Variants in SGSM2 observed in about 807,000 individuals in gnomAD.
SGSM2 encodes RUN and TBC1 domain containing 1.
SGSM2 carries 89 observed loss-of-function variants against 126.6 expected under a neutral mutation model. The observed-to-expected ratio is 0.70, with a 90% CI of 0.59 to 0.84. The LOEUF (loss-of-function observed/expected upper bound fraction) is 0.84. Among genes scored for constraint, SGSM2 ranks in the 40% least tolerant of loss-of-function variants. The pLI is 0.00. For missense variants in SGSM2, 1,404 were observed against 1,416.6 expected (o/e 0.99, Z 0.14); for synonymous variants, 614 against 574.3 (o/e 1.07, Z -0.99).
intron 2 of SGSM2, among the ~76,000 whole-genome samples, chr17:2,353,594 C>G (rs983747650): frequency 6.6e-6 from 1 of 152,040 alleles, no homozygotes; most frequent in Non-Finnish European, 1.5e-5. Flanking sequence ...GAAACCCTGT[C>G]TCTACTAAAA....
chr17:2,372,724 C>T lies in SGSM2; in HGVS notation c.1789-229C>T. ...CCTGTGACCCTGGACAAAGCTTTGC[C>T]TCTCTCCGGGCGCCATTTCCTGCCC... is the stretch of plus-strand genomic sequence containing the variant. On this transcript the variant is annotated intron_variant, in intron 15 of 23. Coordinates refer to ENST00000268989, the MANE Select transcript of SGSM2 (RefSeq NM_014853.3). This position sits in a 1 kb window ranked among gnomAD's most constrained non-coding sequence, Gnocchi z 6.0. 2.5e-6 allele frequency: 2 copies of T among 805,216 alleles called. No individual in the cohort carries two copies. Among genetic ancestry groups the T allele is most frequent in the Non-Finnish European group, 3.9e-6 (2 of 515,310 alleles). The allele number at this position is 805,216 out of a possible 1,614,324, so 49.9% of individuals were successfully genotyped here. A position where few individuals can be genotyped will look rare whatever the true frequency, so the allele number is the denominator to read the frequency against.
intron 1 of SGSM2, among the ~76,000 whole-genome samples, chr17:2,342,285 G>GT (rs1268656184): frequency 6.6e-6 from 1 of 151,354 alleles, no homozygotes; most frequent in African/African-American, 2.4e-5. Context: ...AAAGCCAGGT[G>GT]TGGTGGTGCA....
chr17:2,368,627 CCCT>C (rs1182485263), intron 12 of SGSM2, among the ~76,000 whole-genome samples: 3 of 152,174 alleles, frequency 2.0e-5, no homozygotes, highest in Admixed American at 6.5e-5. Context: ...CTGCCAGCTG[CCCT>C]CCTACTGCCA....
At chr17:2,360,080 C>T (rs368054959) in intron 2 of SGSM2, among the ~76,000 whole-genome samples, 54 of 152,324 alleles carry the variant, frequency 3.5e-4, no homozygotes, top group Middle Eastern at 3.4e-3. Context: ...CGGTGCCTCA[C>T]GCCTGTAATC....
In SGSM2 at chr17:2,379,089, C is replaced by A; in HGVS notation, c.2953C>A (p.His985Asn). ...GTGGGAGGTGATCTGGGCAGCCAGGCACATCTCATCGGAGCACTTTGTCCT... is the reference window on the plus strand; with the variant it reads ...GTGGGAGGTGATCTGGGCAGCCAGGAACATCTCATCGGAGCACTTTGTCCT... ...AVWEVIWAAR[H>N]ISSEHFVLFI... Residue 985 changes from histidine (H) to asparagine (N), a missense_variant, in exon 23 of 24, where the codon CAC (histidine) becomes AAC (asparagine). By Grantham distance (68) the His-to-Asn change is moderately conservative. Coordinates refer to ENST00000268989, the MANE Select transcript of SGSM2 (RefSeq NM_014853.3). 6.2e-7 allele frequency: 1 copy of A among 1,614,228 alleles called. No homozygotes were observed.
chr17:2,353,441 C>T (rs879679830), intron 2 of SGSM2, among the ~76,000 whole-genome samples: 2 of 152,088 alleles, frequency 1.3e-5, no homozygotes, highest in Admixed American at 6.6e-5. Flanking sequence ...ATATATTTAA[C>T]TGGTTCAAAA....
chr17:2,342,403 A>G (rs757545954), intron 1 of SGSM2, among the ~76,000 whole-genome samples: 12 of 152,098 alleles, frequency 7.9e-5, no homozygotes, highest in Non-Finnish European at 1.6e-4. Context: ...CAGCCTGGGC[A>G]AAAGAGCGAA....
chr17:2,338,928 GC>G (rs1267184449), intron 1 of SGSM2, among the ~76,000 whole-genome samples: 1 of 151,706 alleles, frequency 6.6e-6, no homozygotes, highest in East Asian at 2.0e-4. Context: ...GGGTGGTGGT[GC>G]GTGCCTGTAA....
rs761006894 is a variant in SGSM2 at position 2,341,845 on chromosome 17, A to G, written c.58-1700A>G. On this transcript the variant is annotated intron_variant, in intron 1 of 23. Coordinates refer to ENST00000268989, the MANE Select transcript of SGSM2 (RefSeq NM_014853.3). ...TGTGTGCATCAGACATTCCTTGCCT[A>G]GAAACATAAATCCCAAACATTTGTT... is the stretch of plus-strand genomic sequence containing the variant. Among the ~76,000 whole-genome samples, 32 of 152,192 alleles carry G rather than the reference A, an allele frequency of 2.1e-4. 1 individual carries two copies. Among genetic ancestry groups the G allele is most frequent in the Non-Finnish European group, 4.0e-4 (27 of 68,028 alleles).
In SGSM2 at chr17:2,367,326, T is replaced by G. The variant is rs746051094; in HGVS notation, c.1344T>G (p.Asp448Glu). 5.0e-6 allele frequency: 8 copies of G among 1,614,090 alleles called. No homozygotes were observed. The East Asian group carries it at 6.7e-5, about 13-fold the overall frequency. ...AASRAASVDD[D>E]EEEEDKLHAM... is the part of the protein sequence containing the mutation. ...GCCGCGCGGCCTCGGTGGACGATGATGAGGAAGAGGAGGATAAACTGCACG... is the reference window on the plus strand; with the variant it reads ...GCCGCGCGGCCTCGGTGGACGATGAGGAGGAAGAGGAGGATAAACTGCACG... The change falls in exon 12 of 24, where the codon GAT (aspartate) becomes GAG (glutamate). Residue 448 changes from aspartate to glutamate, a missense_variant. Asp to Glu is a conservative substitution (Grantham distance 45). Transcript: ENST00000268989. The surrounding 1 kb of genome is among the most constrained non-coding windows in gnomAD (Gnocchi z 4.0).
Position 2,362,328 on chromosome 17 carries a change from A to G in SGSM2, c.458+58A>G. 2.0e-6 allele frequency: 3 copies of G among 1,532,340 alleles called. No individual in the cohort carries two copies. Among genetic ancestry groups the G allele is most frequent in the East Asian group, 2.3e-5 (1 of 43,280 alleles). 94.9% of individuals were successfully genotyped at this position (1,532,340 alleles called of 1,614,324 possible). On this transcript the variant is annotated intron_variant, in intron 4 of 23. Transcript: ENST00000268989. This position sits in a 1 kb window ranked among gnomAD's most constrained non-coding sequence, Gnocchi z 4.9. ...ACCACCCCGTTCCCCCCAAAACTGC[A>G]GGTGACCGCCCCGTTCCCCAAAAAC...
At chr17:2,365,383 G>A (rs1597364566) in intron 11 of SGSM2, 42 bp downstream of exon 11, 9 of 1,497,222 alleles carry the variant, frequency 6.0e-6, no homozygotes, top group East Asian at 5.0e-5. Context: ...AGAGGAAGAC[G>A]CTCTGGGAGG....
intron 2 of SGSM2, among the ~76,000 whole-genome samples, chr17:2,346,945 T>C (rs895388775): frequency 5.3e-5 from 8 of 151,954 alleles, no homozygotes; most frequent in African/African-American, 1.9e-4. Flanking sequence ...AATAACTCGC[T>C]GGGCATGGTG....
intron 16 of SGSM2, 68 bp downstream of exon 16, chr17:2,373,149 A>C (rs1399624672): frequency 1.3e-5 from 21 of 1,589,070 alleles, no homozygotes; most frequent in Non-Finnish European, 1.5e-5. Flanking sequence ...CAGGGAGGGG[A>C]CCTTGGAAGC....
At position 2,375,851 on chromosome 17, in the gene SGSM2, G is replaced by A. The variant is rs778679370; in HGVS notation, c.2460G>A (p.Ala820=). 7.2e-6 allele frequency: 11 copies of A among 1,528,470 alleles called. No homozygotes were observed. In the East Asian group the frequency reaches 1.6e-4, roughly 22 times the overall value. 94.7% of individuals were successfully genotyped at this position (1,528,470 alleles called of 1,614,324 possible). A position where few individuals can be genotyped will look rare whatever the true frequency, so the allele number is the denominator to read the frequency against. ...AACTGGAGGCCGGAGAGGAGCTTGC[G>A]GCTGTGTGTGCGGCTGCCTACACTG... ...AGELEAGEEL[A]AVCAAAYTIE... is the part of the protein sequence containing the mutation. The change falls in exon 18 of 24, where the codon GCG becomes GCA. Residue 820 remains alanine (A), a synonymous_variant. Transcript: ENST00000268989.
chr17:2,370,768 G>A (rs78025609), intron 12 of SGSM2, among the ~76,000 whole-genome samples: 4,688 of 152,288 alleles, frequency 0.031, 238 homozygotes, highest in African/African-American at 0.11. Context: ...CAGATTCCTC[G>A]GGGGCTTTGA....
At chr17:2,371,743 T>G in intron 13 of SGSM2, 1 of 390,292 alleles carries the variant, frequency 2.6e-6, no homozygotes. Context: ...GCCCGTGAGC[T>G]CCCCTTCCCG....
intron 12 of SGSM2, among the ~76,000 whole-genome samples, chr17:2,368,478 A>G (rs1391332865): frequency 3.3e-5 from 5 of 152,206 alleles, no homozygotes; most frequent in Non-Finnish European, 5.9e-5. Context: ...TCCTCAGAAT[A>G]TGTCACACTC....
intron 12 of SGSM2, among the ~76,000 whole-genome samples, chr17:2,369,871 T>C (rs2065781355): frequency 2.0e-5 from 3 of 152,144 alleles, no homozygotes; most frequent in Admixed American, 2.0e-4. Flanking sequence ...AGGCATGGCT[T>C]GCAACGCCCT....
Sources: gnomAD v4.1 joint callset for allele counts (sites outside exome capture counted in the v4.1 genomes callset) on GRCh38, gnomAD v4.1.1 for gene constraint, Gnocchi (gnomAD v3.1) non-coding constraint, MANE v1.5 for transcripts, NCBI Gene and HGNC (gene_info 2026-07-23, HGNC 2026-07-21) for gene names.